Variants in PSD3 observed in about 807,000 individuals in gnomAD.
PSD3 encodes PH and SEC7 domain-containing protein 3.
In PSD3, 49 loss-of-function variants were observed where a neutral mutation model predicts 105.5. The ratio of observed to expected loss-of-function variants is 0.46; its 90% CI spans 0.37 to 0.59. PSD3 has a LOEUF of 0.59. Among genes scored for constraint, PSD3 ranks in the 20% least tolerant of loss-of-function variants. The pLI, the probability that PSD3 is intolerant of heterozygous loss-of-function variation, is 0.00. For missense variants in PSD3, 1,561 were observed against 1,263.8 expected (o/e 1.24, Z -3.57); for synonymous variants, 557 against 457.8 (o/e 1.22, Z -2.77).
chr8:18,613,853 G>A (rs528769683), intron 11 of PSD3, among the ~76,000 whole-genome samples: 18 of 152,274 alleles, frequency 1.2e-4, no homozygotes, highest in Admixed American at 3.3e-4. Context: ...AAAAACAGCT[G>A]AATTTCACCA....
intron 11 of PSD3, among the ~76,000 whole-genome samples, chr8:18,614,772 G>A (rs1305246525): frequency 6.6e-6 from 1 of 151,624 alleles, no homozygotes; most frequent in African/African-American, 2.4e-5. Context: ...GGGACTACAG[G>A]TGTGCACCAT....
chr8:18,807,155 G>C (rs898671301), intron 4 of PSD3, among the ~76,000 whole-genome samples: 1 of 152,164 alleles, frequency 6.6e-6, no homozygotes, highest in Non-Finnish European at 1.5e-5. Flanking sequence ...AAGCAGAACT[G>C]CTCCATCTTG....
intron 9 of PSD3, among the ~76,000 whole-genome samples, chr8:18,723,474 C>T (rs1803137536): frequency 6.6e-6 from 1 of 152,108 alleles, no homozygotes; most frequent in African/African-American, 2.4e-5. Context: ...TAAGTTAGTT[C>T]CTTAGGCGTT....
At chr8:18,948,055 C>T (rs1222873478) in intron 1 of PSD3, among the ~76,000 whole-genome samples, 2 of 152,152 alleles carry the variant, frequency 1.3e-5, no homozygotes, top group Non-Finnish European at 1.5e-5. Context: ...TCCGCCTTTG[C>T]CACCATCTCA....
At chr8:18,847,255 C>T (rs1020813626) in intron 4 of PSD3, among the ~76,000 whole-genome samples, 1 of 152,144 alleles carries the variant, frequency 6.6e-6, no homozygotes, top group African/African-American at 2.4e-5. Flanking sequence ...TGCTTCCCTT[C>T]CTGGAAAAGG....
At chr8:18,778,297 G>A (rs1808284581) in intron 8 of PSD3, among the ~76,000 whole-genome samples, 1 of 152,138 alleles carries the variant, frequency 6.6e-6, no homozygotes, top group African/African-American at 2.4e-5. Context: ...ACACACTGCT[G>A]AGTTGTGTAC....
At chr8:18,632,888 C>T (rs187186355) in intron 10 of PSD3, 82 bp from the exon 11 acceptor site, 83 of 1,075,662 alleles carry the variant, frequency 7.7e-5, no homozygotes, top group Admixed American at 1.2e-4. Flanking sequence ...TAAAAAACTA[C>T]ATTGTATTCC....
intron 11 of PSD3, among the ~76,000 whole-genome samples, chr8:18,607,156 T>G (rs1804898658): frequency 6.6e-6 from 1 of 152,098 alleles, no homozygotes; most frequent in Non-Finnish European, 1.5e-5. Context: ...TATAACCAGG[T>G]ACTTTCTCTA....
intron 9 of PSD3, among the ~76,000 whole-genome samples, chr8:18,697,713 T>C (rs1801337177): frequency 6.6e-6 from 1 of 152,188 alleles, no homozygotes; most frequent in Non-Finnish European, 1.5e-5. Context: ...TGGGCAAGTA[T>C]CTATCAATTT....
At chr8:18,562,431 T>C (rs1025802185) in intron 14 of PSD3, among the ~76,000 whole-genome samples, 2 of 152,236 alleles carry the variant, frequency 1.3e-5, no homozygotes, top group Non-Finnish European at 2.9e-5. Context: ...CAAAGGGCTG[T>C]CAACAACATA....
chr8:18,641,030 C>T (rs1211557723), intron 10 of PSD3, among the ~76,000 whole-genome samples: 1 of 152,198 alleles, frequency 6.6e-6, no homozygotes, highest in Non-Finnish European at 1.5e-5. Context: ...TCCAGTATAA[C>T]TTTCTGCAGG....
At chr8:19,051,607 G>A (rs1828532096) in intron 1 of PSD3, among the ~76,000 whole-genome samples, 1 of 152,128 alleles carries the variant, frequency 6.6e-6, no homozygotes, top group African/African-American at 2.4e-5. Flanking sequence ...AGGCAGCAGA[G>A]GAAATAAAAA....
intron 14 of PSD3, among the ~76,000 whole-genome samples, chr8:18,571,785 C>G (rs1215838037): frequency 6.6e-6 from 1 of 152,186 alleles, no homozygotes; most frequent in Non-Finnish European, 1.5e-5. Flanking sequence ...TAAGATAAAA[C>G]TGTCTCTATG....
chr8:18,825,967 G>A (rs1813148561), intron 4 of PSD3, among the ~76,000 whole-genome samples: 1 of 152,200 alleles, frequency 6.6e-6, no homozygotes, highest in Non-Finnish European at 1.5e-5. Flanking sequence ...GTGTGTTTGT[G>A]AGGCTGCTTC....
chr8:18,749,559 A>T (rs372381597), intron 9 of PSD3, among the ~76,000 whole-genome samples: 1 of 152,330 alleles, frequency 6.6e-6, no homozygotes. Context: ...AAGGTTACTC[A>T]TCAACTAACC....
chr8:18,609,186 C>T (rs1334892392), intron 11 of PSD3, among the ~76,000 whole-genome samples: 1 of 152,108 alleles, frequency 6.6e-6, no homozygotes, highest in African/African-American at 2.4e-5. Flanking sequence ...TTATTCCCCT[C>T]AGAGTAGAGA....
intron 11 of PSD3, among the ~76,000 whole-genome samples, chr8:18,601,497 G>C (rs1222987997): frequency 2.0e-5 from 3 of 152,202 alleles, no homozygotes; most frequent in Admixed American, 1.3e-4. Context: ...GAATACTCAA[G>C]AATTCTTAGA....
intron 2 of PSD3, among the ~76,000 whole-genome samples, chr8:18,886,585 A>G (rs1818466140): frequency 6.6e-6 from 1 of 152,198 alleles, no homozygotes; most frequent in Non-Finnish European, 1.5e-5. Flanking sequence ...GCCTGCATAG[A>G]CCTACAAATA....
At chr8:18,945,032 T>G (rs2129469635) in intron 1 of PSD3, among the ~76,000 whole-genome samples, 1 of 152,132 alleles carries the variant, frequency 6.6e-6, no homozygotes, top group South Asian at 2.1e-4. Context: ...TATTGGAGAG[T>G]AGCTGCTTAT....
Sources: allele counts gnomAD v4.1 joint callset (sites outside exome capture counted in the v4.1 genomes callset), GRCh38; gene constraint gnomAD v4.1.1; transcripts MANE v1.5; gene names NCBI Gene and HGNC (gene_info 2026-07-23, HGNC 2026-07-21).